The following RIC8B variants were observed in gnomAD, a reference collection of about 807,000 sequenced individuals.
The protein encoded by RIC8B is chaperone Ric-8B.
A neutral mutation model predicts 57.5 loss-of-function variants in RIC8B; 16 were observed. The observed-to-expected ratio is 0.28, with a 90% confidence interval of 0.19 to 0.42. RIC8B has a LOEUF of 0.42. RIC8B is among the 10% of genes least tolerant of loss of function. The pLI, the probability that RIC8B is intolerant of heterozygous loss-of-function variation, is 1.00. For synonymous variants in RIC8B, 216 were observed against 250.8 expected, an observed-to-expected ratio of 0.86 and a Z score of 1.31; for missense variants, 481 against 677.0, an observed-to-expected ratio of 0.71 and a Z score of 3.21.
At chr12:106,796,682 A>G (rs1167590152) in intron 2 of RIC8B, among the ~76,000 whole-genome samples, 1 of 152,250 alleles carries the variant, frequency 6.6e-6, no homozygotes, top group African/African-American at 2.4e-5. Context: ...AAAGAAAAAA[A>G]TAACATGAAT....
intron 9 of RIC8B, among the ~76,000 whole-genome samples, chr12:106,885,426 A>C (rs1030487413): frequency 6.6e-6 from 1 of 152,182 alleles, no homozygotes; most frequent in African/African-American, 2.4e-5. Flanking sequence ...CTTACATATC[A>C]CTAGAGACTG....
At chr12:106,834,255 A>G (rs2046487395) in intron 4 of RIC8B, among the ~76,000 whole-genome samples, 1 of 152,208 alleles carries the variant, frequency 6.6e-6, no homozygotes, top group African/African-American at 2.4e-5. Context: ...GTTTTGACTC[A>G]TGATAATGGC....
At chr12:106,885,256 G>A (rs1457748516) in intron 9 of RIC8B, among the ~76,000 whole-genome samples, 1 of 152,098 alleles carries the variant, frequency 6.6e-6, no homozygotes, top group African/African-American at 2.4e-5. Flanking sequence ...GATTAAAATG[G>A]CTGTCAATCC....
chr12:106,830,799 A>AT (rs947403262), intron 4 of RIC8B, among the ~76,000 whole-genome samples: 4 of 152,038 alleles, frequency 2.6e-5, no homozygotes, highest in South Asian at 2.1e-4. Flanking sequence ...CATCTGCTTT[A>AT]TTTTTTTTAT....
intron 2 of RIC8B, among the ~76,000 whole-genome samples, chr12:106,791,751 A>G (rs1008017133): frequency 2.0e-5 from 3 of 152,156 alleles, no homozygotes; most frequent in Non-Finnish European, 4.4e-5. Flanking sequence ...CACTTTCTCA[A>G]TTATAGATGC....
At chr12:106,876,169 C>A (rs1950656382) in intron 9 of RIC8B, among the ~76,000 whole-genome samples, 1 of 152,024 alleles carries the variant, frequency 6.6e-6, no homozygotes, top group Admixed American at 6.6e-5. Context: ...AGTATGGTAA[C>A]CACAGCTATA....
intron 7 of RIC8B, among the ~76,000 whole-genome samples, chr12:106,855,091 C>T (rs954185428): frequency 6.6e-6 from 1 of 152,198 alleles, no homozygotes; most frequent in East Asian, 1.9e-4. Flanking sequence ...GGGGTTCCCC[C>T]CCCACCTTTT....
chr12:106,851,339 T>TTTGAA, intron 6 of RIC8B, 111 bp from the exon 7 acceptor site: 1 of 302,506 alleles, frequency 3.3e-6, no homozygotes, highest in Non-Finnish European at 6.2e-6. Context: ...TTTTTTTTGC[T>TTTGAA]CCTACAATAC....
At chr12:106,881,048 C>T (rs1950902349) in intron 9 of RIC8B, among the ~76,000 whole-genome samples, 1 of 152,188 alleles carries the variant, frequency 6.6e-6, no homozygotes, top group South Asian at 2.1e-4. Context: ...AAATTTAATT[C>T]ACAAACACTT....
chr12:106,842,175 T>C (rs541191051), intron 4 of RIC8B, among the ~76,000 whole-genome samples: 22 of 152,326 alleles, frequency 1.4e-4, no homozygotes, highest in Non-Finnish European at 2.9e-4. Context: ...TTTCAGTGTT[T>C]CTCAAATGCT....
intron 6 of RIC8B, among the ~76,000 whole-genome samples, chr12:106,850,890 C>G (rs1404783735): frequency 1.3e-5 from 2 of 152,004 alleles, no homozygotes; most frequent in East Asian, 1.9e-4. Context: ...CATTTTGGAG[C>G]ATTTCTGATT....
chr12:106,787,282 G>T (rs148226362), intron 2 of RIC8B, among the ~76,000 whole-genome samples: 11 of 152,288 alleles, frequency 7.2e-5, no homozygotes, highest in Non-Finnish European at 1.5e-4. Flanking sequence ...ATTCATTTCT[G>T]TGAAGTCTCC....
At chr12:106,805,825 A>T (rs1251455990) in intron 2 of RIC8B, among the ~76,000 whole-genome samples, 1 of 152,208 alleles carries the variant, frequency 6.6e-6, no homozygotes, top group African/African-American at 2.4e-5. Context: ...TCTTGATCTT[A>T]CATTCCCTCT....
At position 106,870,869 on chromosome 12, in the gene RIC8B, A is replaced by G. The variant is rs367962411; in HGVS notation, c.1498A>G (p.Ile500Val). ...TTTAGAGGAACCAATGCCAAACCCC[A>G]TAGATGAAATGACAGAAGAACAAAA... ...GHLEEPMPNP[I>V]DEMTEEQKEY... The change falls in exon 9 of 10, where the codon ATA becomes GTA. Residue 500 changes from isoleucine to valine, a missense_variant. Transcript: ENST00000392837. 6.5e-6 allele frequency: 10 copies of G among 1,546,782 alleles called. No homozygotes were observed. Among genetic ancestry groups the G allele is most frequent in the Non-Finnish European group, 7.9e-6 (9 of 1,143,804 alleles).
chr12:106,807,724 AATTAAACTG>A (rs1566063940), intron 2 of RIC8B, among the ~76,000 whole-genome samples: 2 of 151,998 alleles, frequency 1.3e-5, no homozygotes, highest in Non-Finnish European at 2.9e-5. Context: ...AGTGTCTAAC[AATTAAACTG>A]TTAGATGAGC....
chr12:106,837,639 GT>G lies in RIC8B; in HGVS notation c.837-4930del, dbSNP rs375634080. Among the ~76,000 whole-genome samples the G allele has an allele frequency of 3.7e-3, 425 of 115,312 alleles. 2 individuals are homozygous for G. The highest frequency in any genetic ancestry group is 0.029 in the South Asian group (104 of 3,556). 75.6% of individuals were successfully genotyped at this position (115,312 alleles called of 152,430 possible). A position where few individuals can be genotyped will look rare whatever the true frequency, so the allele number is the denominator to read the frequency against. On this transcript the variant is annotated intron_variant, in intron 4 of 9. Coordinates refer to ENST00000392837, the MANE Select transcript of RIC8B (RefSeq NM_001330145.2). ...ATTTATTTACATCTGAAAATCTTTT[GT>G]TTTTTTTTTTTTTTTTTTTGACAGA...
chr12:106,782,969 C>T (rs575263221), intron 1 of RIC8B, among the ~76,000 whole-genome samples: 73 of 152,278 alleles, frequency 4.8e-4, no homozygotes, highest in Non-Finnish European at 8.4e-4. Context: ...GTACTTGGTT[C>T]TCCTGAATAA....
chr12:106,871,078 G>A, intron 9 of RIC8B, 136 bp downstream of exon 9: 1 of 719,038 alleles, frequency 1.4e-6, no homozygotes, highest in East Asian at 2.8e-5. Flanking sequence ...GGCAGCAGTA[G>A]TTCAGATAGC....
chr12:106,775,035 C>G, intron 1 of RIC8B: 1 of 566,070 alleles, frequency 1.8e-6, no homozygotes, highest in Non-Finnish European at 3.2e-6. Context: ...GTAGCGCCCA[C>G]TCCTCTGATT....
Sources: gnomAD v4.1 joint callset for allele counts (sites outside exome capture counted in the v4.1 genomes callset) on GRCh38, gnomAD v4.1.1 for gene constraint, MANE v1.5 for transcripts, NCBI Gene and HGNC (gene_info 2026-07-23, HGNC 2026-07-21) for gene names.